The following EIF4G3 variants were observed in gnomAD, a reference collection of about 807,000 sequenced individuals.
EIF4G3 encodes the protein eIF-4-gamma 3.
A neutral mutation model predicts 186.4 loss-of-function variants in EIF4G3; 34 were observed. The observed-to-expected ratio is 0.18, with a 90% CI of 0.14 to 0.24. EIF4G3 has a LOEUF of 0.24. Among genes scored for constraint, EIF4G3 ranks in the 10% least tolerant of loss-of-function variants. The pLI, the probability that EIF4G3 is intolerant of heterozygous loss-of-function variation, is 1.00. For synonymous variants in EIF4G3, 673 were observed against 679.5 expected (o/e 0.99, Z 0.15); for missense variants, 1,536 against 1,948.5 (o/e 0.79, Z 3.99).
chr1:21,152,720 T>G (rs1042482272), intron 2 of EIF4G3, among the ~76,000 whole-genome samples: 2 of 152,236 alleles, frequency 1.3e-5, no homozygotes, highest in Non-Finnish European at 2.9e-5. Context: ...TATCAACATT[T>G]GGAAAATTTA....
At chr1:20,873,330 T>C (rs1379182964) in intron 20 of EIF4G3, among the ~76,000 whole-genome samples, 1 of 152,208 alleles carries the variant, frequency 6.6e-6, no homozygotes, top group Non-Finnish European at 1.5e-5. Context: ...TTTTTGTATA[T>C]ATTTCCTAGC....
intron 12 of EIF4G3, among the ~76,000 whole-genome samples, chr1:20,968,170 C>T (rs138713216): frequency 9.5e-4 from 143 of 151,114 alleles, no homozygotes; most frequent in African/African-American, 3.3e-3. Context: ...GAATGAAATA[C>T]AAATCTTTTT....
At chr1:20,870,070 T>C (rs2078772353) in intron 20 of EIF4G3, among the ~76,000 whole-genome samples, 1 of 135,016 alleles carries the variant, frequency 7.4e-6, no homozygotes, top group Non-Finnish European at 1.6e-5. Flanking sequence ...TCATCTCTGA[T>C]CATTTTTTCT....
intron 12 of EIF4G3, among the ~76,000 whole-genome samples, chr1:20,968,117 C>A (rs1032970325): frequency 6.6e-5 from 10 of 152,026 alleles, no homozygotes; most frequent in Admixed American, 6.6e-4. Flanking sequence ...CTGAAAACCA[C>A]GTGTCTCTAT....
At chr1:21,107,241 ATCTTGGC>A (rs2102010177) in intron 2 of EIF4G3, among the ~76,000 whole-genome samples, 1 of 152,300 alleles carries the variant, frequency 6.6e-6, no homozygotes, top group South Asian at 2.1e-4. Flanking sequence ...CAGTGGCACC[ATCTTGGC>A]TCGCTGCAAC....
chr1:21,130,216 C>CTTTTTTTTT (rs71014159), intron 2 of EIF4G3, among the ~76,000 whole-genome samples: 5 of 75,346 alleles, frequency 6.6e-5, no homozygotes, highest in African/African-American at 1.1e-4. Flanking sequence ...GACCCCATCT[C>CTTTTTTTTT]TTTTTTTTTT....
chr1:21,069,985 A>G (rs1213499369), intron 3 of EIF4G3, among the ~76,000 whole-genome samples: 2 of 152,232 alleles, frequency 1.3e-5, no homozygotes, highest in Non-Finnish European at 2.9e-5. Flanking sequence ...GAATTCAGTC[A>G]AAGATGATCT....
chr1:21,002,518 CAAT>C (rs2154568999), intron 5 of EIF4G3, among the ~76,000 whole-genome samples, 192 bp downstream of exon 5: 1 of 152,174 alleles, frequency 6.6e-6, no homozygotes, highest in East Asian at 1.9e-4. Context: ...TTCTTTTTCT[CAAT>C]AAATTTAATT....
intron 2 of EIF4G3, among the ~76,000 whole-genome samples, chr1:21,155,262 C>CAAAAAAAA (rs34182850): frequency 6.7e-4 from 29 of 43,204 alleles, no homozygotes; most frequent in Non-Finnish European, 9.8e-4. Context: ...GACTCTGTCT[C>CAAAAAAAA]AAAAAAAAAA....
intron 3 of EIF4G3, among the ~76,000 whole-genome samples, chr1:21,067,289 T>C (rs543209626): frequency 6.6e-6 from 1 of 152,098 alleles, no homozygotes; most frequent in East Asian, 1.9e-4. Context: ...CCCACCACCA[T>C]GCCTGGCTAA....
chr1:21,134,188 A>G (rs1264721917), intron 2 of EIF4G3, among the ~76,000 whole-genome samples: 1 of 152,216 alleles, frequency 6.6e-6, no homozygotes, highest in Non-Finnish European at 1.5e-5. Flanking sequence ...ACATTCCTGT[A>G]TCTCAGTCAT....
chr1:20,929,343 G>A (rs894125573), intron 14 of EIF4G3: 4 of 152,180 alleles, frequency 2.6e-5, no homozygotes, highest in African/African-American at 9.7e-5. Context: ...ACCTTGAGAT[G>A]TGTCTACTGT....
At chr1:21,010,955 G>A (rs2086868895) in intron 4 of EIF4G3, among the ~76,000 whole-genome samples, 1 of 152,144 alleles carries the variant, frequency 6.6e-6, no homozygotes, top group African/African-American at 2.4e-5. Flanking sequence ...GGGCATCTCT[G>A]TAATGCTATT....
chr1:20,938,003 C>T (rs1440499941), intron 14 of EIF4G3, among the ~76,000 whole-genome samples: 1 of 148,262 alleles, frequency 6.7e-6, no homozygotes, highest in Admixed American at 6.8e-5. Flanking sequence ...CTGATGCTTT[C>T]TTTTTTTTTT....
intron 14 of EIF4G3, among the ~76,000 whole-genome samples, chr1:20,917,818 A>C (rs2154559253): frequency 6.6e-6 from 1 of 152,350 alleles, no homozygotes; most frequent in Non-Finnish European, 1.5e-5. Context: ...GAAGTACCTA[A>C]AATATTAGCA....
At chr1:20,947,443 G>C (rs2096007732) in intron 13 of EIF4G3, among the ~76,000 whole-genome samples, 1 of 150,664 alleles carries the variant, frequency 6.6e-6, no homozygotes, top group Non-Finnish European at 1.5e-5. Context: ...CATAAATTTG[G>C]TTAAAAAAAA....
chr1:21,139,198 G>A (rs1046875441), intron 2 of EIF4G3, among the ~76,000 whole-genome samples: 1 of 152,148 alleles, frequency 6.6e-6, no homozygotes, highest in Non-Finnish European at 1.5e-5. Flanking sequence ...CTACTCATTT[G>A]CCAAACCCTG....
intron 32 of EIF4G3, among the ~76,000 whole-genome samples, chr1:20,826,453 C>A (rs1041061638): frequency 6.6e-6 from 1 of 150,614 alleles, no homozygotes; most frequent in African/African-American, 2.4e-5. Context: ...AGGCGTGAGC[C>A]ACTGTGCCAG....
intron 16 of EIF4G3, among the ~76,000 whole-genome samples, chr1:20,896,679 C>T (rs1298106275): frequency 2.6e-5 from 4 of 152,194 alleles, no homozygotes; most frequent in Admixed American, 2.6e-4. Flanking sequence ...CAGTAATGTC[C>T]TAGGCTTTTA....
Sources: allele counts gnomAD v4.1 joint callset (sites outside exome capture counted in the v4.1 genomes callset), GRCh38; gene constraint gnomAD v4.1.1; transcripts MANE v1.5; gene names NCBI Gene and HGNC (gene_info 2026-07-23, HGNC 2026-07-21).